TBX18: variants seen among roughly 807,000 people sequenced by gnomAD.
The protein encoded by TBX18 is T-box transcription factor TBX18.
Under a neutral mutation model 55.0 loss-of-function variants are expected in TBX18, and 21 were observed. That is an observed-to-expected ratio of 0.38 (90% CI 0.27 to 0.55). The LOEUF (loss-of-function observed/expected upper bound fraction) is 0.55, where lower values mean the gene tolerates loss of function less well. Among genes scored for constraint, TBX18 ranks in the 20% least tolerant of loss-of-function variants. The pLI, the probability that TBX18 is intolerant of heterozygous loss-of-function variation, is 0.73. For synonymous variants in TBX18, 342 were observed against 326.1 expected (o/e 1.05, Z -0.53); for missense variants, 840 against 799.6 (o/e 1.05, Z -0.61).
intron 4 of TBX18, among the ~76,000 whole-genome samples, chr6:84,752,613 T>A (rs1332104479): frequency 1.3e-5 from 2 of 152,074 alleles, no homozygotes; most frequent in African/African-American, 4.8e-5. Context: ...ATGAGAAAAA[T>A]CAACCCTCAG....
chr6:84,739,772 C>T (rs1766999508), intron 6 of TBX18, among the ~76,000 whole-genome samples: 1 of 152,150 alleles, frequency 6.6e-6, no homozygotes, highest in African/African-American at 2.4e-5. Context: ...ACCACATACA[C>T]AATATGGTGA....
rs892021512 is a variant in TBX18 at position 84,734,438 on chromosome 6, A to G, written c.*2247T>C. 3 of 152,368 alleles carry G rather than the reference A, an allele frequency of 2.0e-5. No homozygotes were observed. Among genetic ancestry groups the G allele is most frequent in the Non-Finnish European group, 4.4e-5 (3 of 68,028 alleles). The allele number at this position is 152,368 out of a possible 1,614,324, so 9.4% of individuals were successfully genotyped here. A position where few individuals can be genotyped will look rare whatever the true frequency, so the allele number is the denominator to read the frequency against. ...TAAAATGATTACCCTCCAAAATCAT[A>G]AAAGGGTTTAATAACATATTTTAAT... On this transcript the variant is annotated 3_prime_UTR_variant, in exon 8 of 8. Coordinates refer to ENST00000369663, the MANE Select transcript of TBX18 (RefSeq NM_001080508.3).
chr6:84,763,821 C>T (rs1457896787), intron 1 of TBX18, 69 bp downstream of exon 1: 1 of 1,430,704 alleles, frequency 7.0e-7, no homozygotes. Context: ...CGCGCACGCA[C>T]ACCCACAGAC....
In TBX18 at chr6:84,734,604, C is replaced by T. The variant is rs761341830; in HGVS notation, c.*2081G>A. 5.3e-5 allele frequency: 8 copies of T among 152,332 alleles called. No individual in the cohort carries two copies. Among genetic ancestry groups the T allele is most frequent in the Non-Finnish European group, 1.2e-4 (8 of 67,990 alleles). The allele number at this position is 152,332 out of a possible 1,614,324, so 9.4% of individuals were successfully genotyped here. On this transcript the variant is annotated 3_prime_UTR_variant, in exon 8 of 8. Coordinates refer to ENST00000369663, the MANE Select transcript of TBX18 (RefSeq NM_001080508.3). ...GTAAAACCTAAAAAAAGCATTTGTA[C>T]AATATTGCTAAAATTTTACCAGAAA...
intron 5 of TBX18, among the ~76,000 whole-genome samples, chr6:84,746,281 G>A (rs1767183842): frequency 6.6e-6 from 1 of 151,624 alleles, no homozygotes; most frequent in Non-Finnish European, 1.5e-5. Flanking sequence ...AATTGAGATT[G>A]TTAAAAGAAT....
chr6:84,742,863 T>C (rs903616123), intron 6 of TBX18, among the ~76,000 whole-genome samples: 4 of 152,186 alleles, frequency 2.6e-5, no homozygotes, highest in Admixed American at 6.5e-5. Context: ...CAAGGTAGAA[T>C]AGGAGTCATC....
intron 6 of TBX18, chr6:84,742,093 C>A (rs867641266): frequency 6.6e-6 from 1 of 152,124 alleles, no homozygotes; most frequent in Non-Finnish European, 1.5e-5. Context: ...AAAGTTGAAA[C>A]TGTATTTCAC....
Position 84,762,664 on chromosome 6 carries a change from A to T in TBX18, c.377T>A (p.Leu126Gln). The T allele has an allele frequency of 6.2e-7, 1 of 1,610,004 alleles. No individual in the cohort carries two copies. Among genetic ancestry groups the T allele is most frequent in the Non-Finnish European group, 8.5e-7 (1 of 1,178,480 alleles). The stretch of plus-strand genomic sequence containing the variant: ...GGGCAGAGGGGTCCCGGGCCGGGCC[A>T]GGGAGCGCGCCGGAGACCCCTTGGG... ...GSPKGSPARS[L>Q]ARPGTPLPSP... is the part of the protein sequence containing the mutation. The change falls in exon 2 of 8, where the codon CTG becomes CAG. Residue 126 changes from leucine (L) to glutamine (Q), a missense_variant. Transcript: ENST00000369663.
intron 6 of TBX18, among the ~76,000 whole-genome samples, chr6:84,740,472 T>C (rs1767018679): frequency 1.3e-5 from 2 of 152,192 alleles, no homozygotes; most frequent in Non-Finnish European, 2.9e-5. Flanking sequence ...AGTCATCATA[T>C]CTGTGGCCAA....
At position 84,737,034 on chromosome 6, in the gene TBX18, A is replaced by C. The variant is rs1396235301; in HGVS notation, c.1475T>G (p.Met492Arg). 1.9e-6 allele frequency: 3 copies of C among 1,614,184 alleles called. No individual in the cohort carries two copies. The highest frequency in any genetic ancestry group is 1.7e-6 in the Non-Finnish European group (2 of 1,180,008). The change falls in exon 8 of 8, where the codon ATG becomes AGG. Residue 492 changes from methionine (M) to arginine (R), a missense_variant. Transcript: ENST00000369663. ...CATGATATACTGGAGCTGGGGGGAC[A>C]TTCCCGAAATCTGCATGGATAAGCT... ...QTSLSMQISG[M>R]SPQLQYIMPS...
At chr6:84,741,209 G>C (rs1440882426) in intron 6 of TBX18, 1 of 152,198 alleles carries the variant, frequency 6.6e-6, no homozygotes, top group Non-Finnish European at 1.5e-5. Flanking sequence ...TTCCTGGCTA[G>C]TTAAAGAAAA....
intron 3 of TBX18, 38 bp downstream of exon 3, chr6:84,760,217 G>GTTT (rs560234572): frequency 8.4e-6 from 9 of 1,068,368 alleles, no homozygotes; most frequent in South Asian, 7.8e-5. Flanking sequence ...AAATCCTAGT[G>GTTT]TTTTTTTTTT....
At chr6:84,738,625 A>C (rs1255208201) in intron 6 of TBX18, 34 bp from the exon 7 acceptor site, 5 of 1,545,754 alleles carry the variant, frequency 3.2e-6, no homozygotes, top group Non-Finnish European at 4.5e-6. Context: ...GGGTGGACAA[A>C]AGAAGTCTAG....
In TBX18 at chr6:84,756,808, G is replaced by A. The variant is rs747331186; in HGVS notation, c.661C>T (p.Arg221Cys). The A allele has an allele frequency of 1.1e-5, 18 of 1,614,016 alleles. No individual in the cohort carries two copies. Among genetic ancestry groups the A allele is most frequent in the Non-Finnish European group, 1.4e-5 (17 of 1,179,980 alleles). ...GGCGAGTCTGGATGAATGTACACAC[G>A]GGGTGGCACAGGCGAGTCAGCATTA... The part of the protein sequence containing the change: ...AGNADSPVPP[R>C]VYIHPDSPAS... Residue 221 changes from arginine (R) to cysteine (C), a missense_variant, in exon 4 of 8, where the codon CGT becomes TGT. Coordinates refer to ENST00000369663, the MANE Select transcript of TBX18 (RefSeq NM_001080508.3).
chr6:84,754,616 T>C (rs1295080428), intron 4 of TBX18, among the ~76,000 whole-genome samples: 4 of 152,252 alleles, frequency 2.6e-5, no homozygotes, highest in African/African-American at 9.6e-5. Flanking sequence ...TTGTAATCTA[T>C]TATTTTGTGT....
rs1767751593 is a variant in TBX18, at chr6:84,764,170, C to T, written c.12G>A (p.Lys4=). 1.3e-6 allele frequency: 2 copies of T among 1,495,624 alleles called. No homozygotes were observed. The highest frequency in any genetic ancestry group is 1.8e-6 in the Non-Finnish European group (2 of 1,130,910). 92.6% of individuals were successfully genotyped at this position (1,495,624 alleles called of 1,614,324 possible). The stretch of plus-strand genomic sequence containing the variant: ...GCATGCTGCACGGCGAGCCCCTTCG[C>T]TTCTCGGCCATCCCCCCCGCCCCGC... The part of the protein sequence containing the change: MAE[K]RRGSPCSMLS... Residue 4 remains lysine (K), a synonymous_variant, in exon 1 of 8, where the codon AAG becomes AAA. Coordinates refer to ENST00000369663, the MANE Select transcript of TBX18 (RefSeq NM_001080508.3).
intron 1 of TBX18, 123 bp downstream of exon 1, chr6:84,763,767 C>T (rs1358073568): frequency 7.1e-7 from 1 of 1,416,130 alleles, no homozygotes; most frequent in Non-Finnish European, 9.2e-7. Context: ...CTGACACGGC[C>T]AATGCGCTAG....
chr6:84,762,851 GGA>G lies in TBX18; in HGVS notation c.293-105_293-104del, dbSNP rs1491039225. On this transcript the variant is annotated intron_variant, in intron 1 of 7. Transcript: ENST00000369663. ...GTGGCTGAGAAGAGGAAAATGACCG[GGA>G]GAAAAGGGGAAGCTTTGGTGCCATC... 7.5e-5 allele frequency: 82 copies of G among 1,089,468 alleles called. 3 individuals carry two copies. In the East Asian group the frequency reaches 9.0e-4, roughly 12 times the overall value. The allele number at this position is 1,089,468 out of a possible 1,614,324, so 67.5% of individuals were successfully genotyped here.
At chr6:84,752,505 C>T (rs1015866209) in intron 4 of TBX18, among the ~76,000 whole-genome samples, 43 of 152,174 alleles carry the variant, frequency 2.8e-4, no homozygotes, top group African/African-American at 8.4e-4. Flanking sequence ...TTTTGTTTTA[C>T]GCATGATGCT....
Sources: gnomAD v4.1 joint callset for allele counts (sites outside exome capture counted in the v4.1 genomes callset) on GRCh38, gnomAD v4.1.1 for gene constraint, MANE v1.5 for transcripts, NCBI Gene and HGNC (gene_info 2026-07-23, HGNC 2026-07-21) for gene names.